ARHGEF17: variants seen among roughly 807,000 people sequenced by gnomAD.
ARHGEF17 encodes 164 kDa Rho-specific guanine-nucleotide exchange factor.
ARHGEF17 carries 80 observed loss-of-function variants against 174.0 expected under a neutral mutation model. The ratio of observed to expected loss-of-function variants is 0.46; its 90% CI spans 0.38 to 0.55. ARHGEF17 has a LOEUF of 0.55. Among genes scored for constraint, ARHGEF17 ranks in the 20% least tolerant of loss-of-function variants. The probability of loss-of-function intolerance (pLI) is 0.00; values close to 1 mark genes in which losing one functional copy is unlikely to be tolerated. For missense variants in ARHGEF17, 2,886 were observed against 2,839.7 expected (o/e 1.02, Z -0.37); for synonymous variants, 1,311 against 1,189.1 (o/e 1.10, Z -2.11).
intron 1 of ARHGEF17, among the ~76,000 whole-genome samples, chr11:73,316,238 T>G (rs1257832616): frequency 1.3e-5 from 2 of 152,204 alleles, no homozygotes; most frequent in Non-Finnish European, 2.9e-5. Flanking sequence ...AAAGTTTGTT[T>G]CAGAGACTCA....
chr11:73,353,213 T>A (rs1865585219), intron 3 of ARHGEF17: 8 of 669,900 alleles, frequency 1.2e-5, no homozygotes, highest in South Asian at 1.1e-4. Context: ...ACCCCAAAGC[T>A]TGGCCAGACT....
chr11:73,345,203 C>G (rs1041349957), intron 1 of ARHGEF17, among the ~76,000 whole-genome samples: 2 of 152,044 alleles, frequency 1.3e-5, no homozygotes, highest in Non-Finnish European at 2.9e-5. Flanking sequence ...ACAAGAGTAC[C>G]GAGGATAGAT....
At chr11:73,335,997 C>A (rs1016106781) in intron 1 of ARHGEF17, among the ~76,000 whole-genome samples, 7 of 152,198 alleles carry the variant, frequency 4.6e-5, no homozygotes, top group Non-Finnish European at 7.3e-5. Context: ...AAGCAGGGAG[C>A]AGACATTGAG....
At chr11:73,311,988 A>G (rs1424052465) in intron 1 of ARHGEF17, among the ~76,000 whole-genome samples, 158 bp downstream of exon 1, 1 of 152,148 alleles carries the variant, frequency 6.6e-6, no homozygotes, top group Non-Finnish European at 1.5e-5. Flanking sequence ...AAGAGTTGTT[A>G]ATGACACAGG....
chr11:73,314,375 C>A (rs1243905143), intron 1 of ARHGEF17, among the ~76,000 whole-genome samples: 6 of 152,162 alleles, frequency 3.9e-5, no homozygotes, highest in Non-Finnish European at 7.4e-5. Context: ...GGTCCACATT[C>A]GTGCTCTGTG....
Position 73,309,444 on chromosome 11 carries a change from A to G in ARHGEF17, c.806A>G (p.Tyr269Cys). ...PQLPGAQSPA[Y>C]HGGHSSGSDD... ...CTGCCTGGAGCCCAGAGTCCGGCCT[A>G]CCACGGCGGCCACTCCTCGGGCAGT... is the stretch of plus-strand genomic sequence containing the variant. The change falls in exon 1 of 21, where the codon TAC becomes TGC. Residue 269 changes from tyrosine (Y) to cysteine (C), a missense_variant. By Grantham distance (194) the Tyr-to-Cys change is radical. This residue lies in a region of ARHGEF17 where 1,728 missense variants were observed against 1,461.2 expected (regional missense o/e 1.18). Transcript: ENST00000263674. 1 of 1,541,414 alleles carries G rather than the reference A, an allele frequency of 6.5e-7. No homozygotes were observed. Among genetic ancestry groups the G allele is most frequent in the Non-Finnish European group, 8.8e-7 (1 of 1,142,056 alleles).
Position 73,365,841 on chromosome 11 carries a change from A to G in ARHGEF17, c.5889A>G (p.Thr1963=), listed in dbSNP as rs1380660221. The G allele has an allele frequency of 6.2e-7, 1 of 1,613,082 alleles. No homozygotes were observed. Among genetic ancestry groups the G allele is most frequent in the East Asian group, 2.2e-5 (1 of 44,890 alleles). ...GCCCACGGGCACCACTCAGTCCCAC[A>G]GGCCTCGGCCAGGGACACACCGGCC... The part of the protein sequence containing the change: ...VSCPRAPLSP[T]GLGQGHTGHV... The change falls in exon 20 of 21, where the codon ACA becomes ACG. Residue 1963 remains threonine (T), a synonymous_variant. Coordinates refer to ENST00000263674, the MANE Select transcript of ARHGEF17 (RefSeq NM_014786.4). This position sits in a 1 kb window ranked among gnomAD's most constrained non-coding sequence, Gnocchi z 4.9.
chr11:73,341,706 G>C (rs1865372168), intron 1 of ARHGEF17, among the ~76,000 whole-genome samples: 1 of 152,240 alleles, frequency 6.6e-6, no homozygotes, highest in Non-Finnish European at 1.5e-5. Flanking sequence ...GTCAGTTTCT[G>C]GAAGTTAAAA....
chr11:73,362,335 C>CG (rs1350981258), intron 13 of ARHGEF17, 96 bp downstream of exon 13: 1 of 1,443,948 alleles, frequency 6.9e-7, no homozygotes, highest in Non-Finnish European at 9.1e-7. Context: ...TGGTTGTGGG[C>CG]GGGGCCCGGC....
intron 1 of ARHGEF17, among the ~76,000 whole-genome samples, chr11:73,344,564 G>C (rs944895907): frequency 1.3e-5 from 2 of 152,206 alleles, no homozygotes; most frequent in Non-Finnish European, 2.9e-5. Flanking sequence ...GAGGGGCCCA[G>C]GGCCGCGCCT....
intron 1 of ARHGEF17, among the ~76,000 whole-genome samples, chr11:73,315,804 C>G (rs1864919836): frequency 6.6e-6 from 1 of 152,164 alleles, no homozygotes; most frequent in Non-Finnish European, 1.5e-5. Context: ...GGGGGATGGA[C>G]TAGAGTTGAG....
At chr11:73,356,547 C>G in intron 6 of ARHGEF17, 162 bp from the exon 7 acceptor site, 1 of 1,157,918 alleles carries the variant, frequency 8.6e-7, no homozygotes, top group Non-Finnish European at 1.2e-6. Context: ...TGTCTCTGAC[C>G]TTGGGTCCTG....
At position 73,308,401 on chromosome 11, in the gene ARHGEF17, C is replaced by A; in HGVS notation, c.-238C>A. 2.5e-6 allele frequency: 1 copy of A among 397,036 alleles called. No homozygotes were observed. The highest frequency in any genetic ancestry group is 2.1e-5 in the African/African-American group (1 of 48,284). 24.6% of individuals were successfully genotyped at this position (397,036 alleles called of 1,614,324 possible). A position where few individuals can be genotyped will look rare whatever the true frequency, so the allele number is the denominator to read the frequency against. ...CTGGTCGCTCCAGCCGCGGCGGGGGCTGGGCCTGGGGGTCGGCGCTGAGGC... is the reference window on the plus strand; with the variant it reads ...CTGGTCGCTCCAGCCGCGGCGGGGGATGGGCCTGGGGGTCGGCGCTGAGGC... On this transcript the variant is annotated 5_prime_UTR_variant, in exon 1 of 21. In the 5' UTR this introduces an upstream ATG that the reference lacks. Coordinates refer to ENST00000263674, the MANE Select transcript of ARHGEF17 (RefSeq NM_014786.4).
chr11:73,335,414 A>C (rs968052543), intron 1 of ARHGEF17, among the ~76,000 whole-genome samples: 1 of 152,240 alleles, frequency 6.6e-6, no homozygotes, highest in East Asian at 1.9e-4. Flanking sequence ...CTGTCTATCC[A>C]TCTACTTCTC....
intron 1 of ARHGEF17, among the ~76,000 whole-genome samples, chr11:73,341,603 C>T (rs1271966904): frequency 2.0e-5 from 3 of 152,214 alleles, no homozygotes; most frequent in Admixed American, 6.5e-5. Flanking sequence ...TGAGCTACCG[C>T]GCCCGCCCGA....
rs188178756 is a variant in ARHGEF17, at chr11:73,323,356, G to C, written c.3192+11526G>C. 1.1e-3 allele frequency among the ~76,000 whole-genome samples: 163 copies of C among 152,306 alleles called. 1 individual carries two copies. The highest frequency in any genetic ancestry group is 3.8e-3 in the African/African-American group (158 of 41,564). On this transcript the variant is annotated intron_variant, in intron 1 of 20. Transcript: ENST00000263674. ...AGAGCTCTAGAATATGCAGGCTTTTGGGAACTGAGGGAGAGGGACTGGTAG... is the reference window on the plus strand; with the variant it reads ...AGAGCTCTAGAATATGCAGGCTTTTCGGAACTGAGGGAGAGGGACTGGTAG...
At chr11:73,315,570 A>G (rs544368738) in intron 1 of ARHGEF17, among the ~76,000 whole-genome samples, 1 of 151,762 alleles carries the variant, frequency 6.6e-6, no homozygotes, top group African/African-American at 2.4e-5. Flanking sequence ...TTCTGGGGGG[A>G]AAGGAGGAGG....
At position 73,364,444 on chromosome 11, in the gene ARHGEF17, C is replaced by T. The variant is rs762590642; in HGVS notation, c.5402-8C>T. ...AGTGAATTTCCTGTTTTCTTTACCCCACTCCAGGCCATTTCTGGGACCCCC... is the reference window on the plus strand; with the variant it reads ...AGTGAATTTCCTGTTTTCTTTACCCTACTCCAGGCCATTTCTGGGACCCCC... On this transcript the variant is annotated splice_region_variant and splice_polypyrimidine_tract_variant and intron_variant, in intron 17 of 20. Transcript: ENST00000263674. 2.7e-5 allele frequency: 43 copies of T among 1,613,100 alleles called. No homozygotes were observed. In the South Asian group the frequency reaches 4.1e-4, roughly 15 times the overall value.
intron 1 of ARHGEF17, chr11:73,342,806 G>C (rs578164802): frequency 6.6e-6 from 1 of 152,520 alleles, no homozygotes; most frequent in South Asian, 2.1e-4. Flanking sequence ...GCTGCCGCGT[G>C]GGGGAAGGGG....
Sources: allele counts gnomAD v4.1 joint callset (sites outside exome capture counted in the v4.1 genomes callset), GRCh38; gene constraint gnomAD v4.1.1; regional missense constraint gnomAD v4.1.1; non-coding constraint Gnocchi (gnomAD v3.1); transcripts MANE v1.5; gene names NCBI Gene and HGNC (gene_info 2026-07-23, HGNC 2026-07-21).